The following LMO2 variants were observed in gnomAD, a reference collection of about 807,000 sequenced individuals.
The protein encoded by LMO2 is LIM domain only 2.
In LMO2, 20 loss-of-function variants were observed where a neutral mutation model predicts 23.2. That is an observed-to-expected ratio of 0.86 (90% confidence interval 0.61 to 1.25). The LOEUF (loss-of-function observed/expected upper bound fraction) is 1.25, where lower values mean the gene tolerates loss of function less well. Ranked by LOEUF, LMO2 falls within the 50% of genes most tolerant of loss-of-function variation. LMO2 has a pLI of 0.00. For synonymous variants in LMO2, 123 were observed against 130.2 expected (o/e 0.94, Z 0.38); for missense variants, 270 against 315.3 (o/e 0.86, Z 1.09).
Position 33,859,352 on chromosome 11 carries a change from G to A in LMO2, c.*4C>T, listed in dbSNP as rs370373926. 6.6e-5 allele frequency: 106 copies of A among 1,608,252 alleles called. 1 individual carries two copies. In the African/African-American group the frequency reaches 6.7e-4, roughly 10 times the overall value. ...CCTCCCCAAAGATGCCCGGGGACTC[G>A]GGCCTATATCATCCCATTGATCTTA... On this transcript the variant is annotated 3_prime_UTR_variant, in exon 6 of 6. Transcript: ENST00000257818.
chr11:33,879,305 TATCTG>T (rs1857207373), intron 2 of LMO2, among the ~76,000 whole-genome samples: 1 of 152,072 alleles, frequency 6.6e-6, no homozygotes, highest in Non-Finnish European at 1.5e-5. Flanking sequence ...ACAAATCATA[TATCTG>T]ATAAGAGATT....
rs115303291 is a variant in LMO2, at chr11:33,862,636, C to T, written c.464+1966G>A. 2.8e-3 allele frequency among the ~76,000 whole-genome samples: 433 copies of T among 152,126 alleles called. 1 individual carries two copies. The highest frequency in any genetic ancestry group is 9.4e-3 in the African/African-American group (388 of 41,488). On this transcript the variant is annotated intron_variant, in intron 5 of 5. Transcript: ENST00000257818. Reference sequence around the variant, plus strand: ...TGAAGAACTCAAACACATTAGAGGGCCCGTTCAGTTACTCCTCCAACTTGC... The same window carrying T: ...TGAAGAACTCAAACACATTAGAGGGTCCGTTCAGTTACTCCTCCAACTTGC...
At chr11:33,881,152 T>C (rs1271411391) in intron 2 of LMO2, 1 of 456,820 alleles carries the variant, frequency 2.2e-6, no homozygotes, top group South Asian at 1.5e-5. Flanking sequence ...GCATCTTTAA[T>C]GCCTGCTCAG....
chr11:33,875,133 A>C (rs1857106111), intron 2 of LMO2, among the ~76,000 whole-genome samples: 1 of 152,188 alleles, frequency 6.6e-6, no homozygotes, highest in East Asian at 1.9e-4. Context: ...TTGAGCTTCC[A>C]CATCTGTAAA....
Position 33,859,233 on chromosome 11 carries a change from C to T in LMO2, c.*123G>A, listed in dbSNP as rs1283785079. The T allele has an allele frequency of 1.5e-6, 1 of 668,272 alleles. No individual in the cohort carries two copies. Among genetic ancestry groups the T allele is most frequent in the Non-Finnish European group, 2.7e-6 (1 of 377,214 alleles). The allele number at this position is 668,272 out of a possible 1,614,324, so 41.4% of individuals were successfully genotyped here. ...GTCTTGATACCCAATAAAGGTCTAC[C>T]ATCCCCTAAGAAATCCCTTACCCCA... On this transcript the variant is annotated 3_prime_UTR_variant, in exon 6 of 6. Transcript: ENST00000257818.
At chr11:33,883,380 A>G (rs1412370181) in intron 1 of LMO2, among the ~76,000 whole-genome samples, 1 of 152,242 alleles carries the variant, frequency 6.6e-6, no homozygotes, top group African/African-American at 2.4e-5. Flanking sequence ...TGTATTTGCC[A>G]TCCCAGAGAA....
intron 1 of LMO2, among the ~76,000 whole-genome samples, chr11:33,889,228 C>T (rs4756078): frequency 0.77 from 116,358 of 151,986 alleles, 44,794 homozygotes; most frequent in African/African-American, 0.82. Context: ...TACTGGGCAC[C>T]AAGAATTTAA....
intron 5 of LMO2, among the ~76,000 whole-genome samples, chr11:33,860,899 T>C (rs753263706): frequency 6.6e-6 from 1 of 152,228 alleles, no homozygotes; most frequent in African/African-American, 2.4e-5. Flanking sequence ...TCCGGGGGAC[T>C]GGTTGCAGGC....
chr11:33,865,052 C>T, intron 4 of LMO2: 1 of 574,898 alleles, frequency 1.7e-6, no homozygotes, highest in African/African-American at 1.9e-5. Flanking sequence ...AAACACAGGG[C>T]ACCAAGAGGC....
chr11:33,868,627 C>T (rs1856874110), intron 4 of LMO2, among the ~76,000 whole-genome samples: 1 of 152,200 alleles, frequency 6.6e-6, no homozygotes, highest in Admixed American at 6.5e-5. Context: ...ACCCCAAACC[C>T]TTTTAAGACT....
chr11:33,870,360 C>T, intron 2 of LMO2: 1 of 985,420 alleles, frequency 1.0e-6, no homozygotes, highest in Non-Finnish European at 1.2e-6. Flanking sequence ...TGCAAGTGTT[C>T]CCAGTGGATT....
In LMO2 at chr11:33,869,781, CG is replaced by C; in HGVS notation, c.-66del. 8.6e-7 allele frequency: 1 copy of C among 1,164,998 alleles called. No individual in the cohort carries two copies. Among genetic ancestry groups the C allele is most frequent in the East Asian group, 4.3e-5 (1 of 23,356 alleles). The allele number at this position is 1,164,998 out of a possible 1,614,324, so 72.2% of individuals were successfully genotyped here. A position where few individuals can be genotyped will look rare whatever the true frequency, so the allele number is the denominator to read the frequency against. ...GCTGTCGCCGGCTCCGCGCCGCCCG[CG>C]GGGATGGTGTGCGCCCGCCCGGCCG... is the stretch of plus-strand genomic sequence containing the variant. On this transcript the variant is annotated 5_prime_UTR_variant, in exon 3 of 6. Transcript: ENST00000257818.
chr11:33,888,462 A>G (rs1215376534), intron 1 of LMO2, among the ~76,000 whole-genome samples: 1 of 151,160 alleles, frequency 6.6e-6, no homozygotes, highest in East Asian at 1.9e-4. Flanking sequence ...CTTCTCTTAC[A>G]CTCCCTTCCT....
chr11:33,862,711 C>T (rs904606511), intron 5 of LMO2, among the ~76,000 whole-genome samples: 1 of 152,168 alleles, frequency 6.6e-6, no homozygotes, highest in Admixed American at 6.5e-5. Flanking sequence ...TAAACAAGAC[C>T]TTGGCTAAAG....
At chr11:33,884,118 A>G (rs1857348931) in intron 1 of LMO2, among the ~76,000 whole-genome samples, 1 of 152,174 alleles carries the variant, frequency 6.6e-6, no homozygotes, top group Admixed American at 6.5e-5. Context: ...AAGGTGTATT[A>G]CTTATGCAGG....
rs1857243085 is a variant in LMO2 at position 33,880,248 on chromosome 11, A to ACATGATATATATCATATATACG, written c.-272+1575_-272+1576insCGTATATATGATATATATCATG. On this transcript the variant is annotated intron_variant, in intron 2 of 5. Transcript: ENST00000257818. This position sits in a 1 kb window ranked among gnomAD's most constrained non-coding sequence, Gnocchi z 4.3. The stretch of plus-strand genomic sequence containing the variant: ...CACATGATATATATATCATATATAC[A>ACATGATATATATCATATATACG]CATGATATATATATCATACATACAC... Among the ~76,000 whole-genome samples the ACATGATATATATCATATATACG allele has an allele frequency of 6.7e-6, 1 of 148,150 alleles. No homozygotes were observed. The highest frequency in any genetic ancestry group is 2.5e-5 in the African/African-American group (1 of 40,518).
At chr11:33,867,328 G>C (rs909580469) in intron 4 of LMO2, among the ~76,000 whole-genome samples, 1 of 152,196 alleles carries the variant, frequency 6.6e-6, no homozygotes, top group Non-Finnish European at 1.5e-5. Flanking sequence ...TAGGATACTG[G>C]ACAACAGGAG....
At position 33,869,331 on chromosome 11, in the gene LMO2, G is replaced by A. The variant is rs766267382; in HGVS notation, c.248+15C>T. The A allele has an allele frequency of 4.2e-6, 5 of 1,188,668 alleles. No homozygotes were observed. The African/African-American group carries it at 8.0e-5, about 19-fold the overall frequency. The allele number at this position is 1,188,668 out of a possible 1,614,324, so 73.6% of individuals were successfully genotyped here. ...TGGACACCGGGGGTGGCAGGGGCAG[G>A]GGGGCCGCACTTACTCTGAAGGGTC... On this transcript the variant is annotated intron_variant, in intron 4 of 5. Coordinates refer to ENST00000257818, the MANE Select transcript of LMO2 (RefSeq NM_005574.4).
chr11:33,886,502 G>A (rs938545405), intron 1 of LMO2, among the ~76,000 whole-genome samples: 15 of 152,120 alleles, frequency 9.9e-5, no homozygotes, highest in East Asian at 1.9e-4. Flanking sequence ...CAGTATTGCC[G>A]AGGTGTCCCA....
Sources: gnomAD v4.1 joint callset for allele counts (sites outside exome capture counted in the v4.1 genomes callset) on GRCh38, gnomAD v4.1.1 for gene constraint, Gnocchi (gnomAD v3.1) non-coding constraint, MANE v1.5 for transcripts, NCBI Gene and HGNC (gene_info 2026-07-23, HGNC 2026-07-21) for gene names.